Variants in CTNND2 observed in about 807,000 individuals in gnomAD.
CTNND2 encodes catenin delta 2, also known as catenin delta-2.
CTNND2 carries 22 observed loss-of-function variants against 144.4 expected under a neutral mutation model. The observed-to-expected ratio is 0.15, with a 90% CI of 0.11 to 0.22. CTNND2 has a LOEUF of 0.22. Among genes scored for constraint, CTNND2 ranks in the 10% least tolerant of loss-of-function variants. CTNND2 has a pLI of 1.00. For missense variants in CTNND2, 1,353 were observed against 1,618.8 expected, an observed-to-expected ratio of 0.84 and a Z score of 2.82; for synonymous variants, 751 against 695.6, an observed-to-expected ratio of 1.08 and a Z score of -1.25.
chr5:11,611,917 ACT>A (rs756759906), intron 2 of CTNND2, among the ~76,000 whole-genome samples: 15 of 152,242 alleles, frequency 9.9e-5, no homozygotes, highest in African/African-American at 2.6e-4. Flanking sequence ...CTCCCTCCAG[ACT>A]CTGAGCTCTT....
chr5:11,562,192 T>C (rs1275563359), intron 3 of CTNND2, among the ~76,000 whole-genome samples: 3 of 152,234 alleles, frequency 2.0e-5, no homozygotes, highest in Non-Finnish European at 4.4e-5. Flanking sequence ...TTGATTTTGT[T>C]TCTTTTCTCC....
chr5:11,294,644 C>G (rs532382620), intron 9 of CTNND2, among the ~76,000 whole-genome samples: 217 of 152,196 alleles, frequency 1.4e-3, no homozygotes, highest in African/African-American at 3.2e-3. Flanking sequence ...ATGATCAAGT[C>G]GGCTTCATCC....
chr5:11,358,983 T>C (rs981120307), intron 8 of CTNND2, among the ~76,000 whole-genome samples: 5 of 152,200 alleles, frequency 3.3e-5, no homozygotes, highest in East Asian at 1.9e-4. Flanking sequence ...ACAGCAGACG[T>C]TGGCCATTTC....
At chr5:11,330,905 G>T (rs1413939286) in intron 9 of CTNND2, among the ~76,000 whole-genome samples, 1 of 152,004 alleles carries the variant, frequency 6.6e-6, no homozygotes, top group Non-Finnish European at 1.5e-5. Flanking sequence ...CAGTGTTTGA[G>T]TTCCTAGAGG....
chr5:11,466,260 C>G (rs1766665600), intron 3 of CTNND2, among the ~76,000 whole-genome samples: 1 of 152,038 alleles, frequency 6.6e-6, no homozygotes, highest in African/African-American at 2.4e-5. Context: ...CCTTGGCCTC[C>G]CAAAGGACAT....
At chr5:11,495,010 C>A (rs16901673) in intron 3 of CTNND2, among the ~76,000 whole-genome samples, 2,518 of 152,242 alleles carry the variant, frequency 0.017, 72 homozygotes, top group African/African-American at 0.058. Context: ...TTTCTCCTCA[C>A]TGCTTGACTT....
intron 11 of CTNND2, among the ~76,000 whole-genome samples, chr5:11,175,426 T>C (rs1387462797): frequency 6.6e-6 from 1 of 152,204 alleles, no homozygotes; most frequent in Non-Finnish European, 1.5e-5. Flanking sequence ...TCTTATCATA[T>C]ACTCACATGT....
intron 1 of CTNND2, among the ~76,000 whole-genome samples, chr5:11,804,915 C>G (rs527395647): frequency 6.6e-6 from 1 of 152,174 alleles, no homozygotes; most frequent in Non-Finnish European, 1.5e-5. Flanking sequence ...CTGTACAAAA[C>G]AACCTCACTG....
At chr5:11,157,783 T>C (rs765959332) in intron 12 of CTNND2, among the ~76,000 whole-genome samples, 19 of 152,220 alleles carry the variant, frequency 1.2e-4, no homozygotes, top group Non-Finnish European at 2.6e-4. Flanking sequence ...AATGGCATCA[T>C]TTTTTGCTTC....
intron 1 of CTNND2, among the ~76,000 whole-genome samples, chr5:11,841,939 A>C (rs779704486): frequency 5.3e-5 from 8 of 151,882 alleles, no homozygotes; most frequent in Non-Finnish European, 8.8e-5. Context: ...CCTAGAGGTG[A>C]AGGTCTGCTC....
chr5:11,742,217 T>C (rs549384576), intron 1 of CTNND2, among the ~76,000 whole-genome samples: 2 of 152,182 alleles, frequency 1.3e-5, no homozygotes, highest in Non-Finnish European at 2.9e-5. Context: ...AATATATTGA[T>C]GACTTCTAAA....
chr5:11,060,578 C>T (rs1001461018), intron 16 of CTNND2, among the ~76,000 whole-genome samples: 1 of 152,198 alleles, frequency 6.6e-6, no homozygotes, highest in Non-Finnish European at 1.5e-5. Flanking sequence ...TGGCCTTTTC[C>T]TCATGTCCCA....
chr5:11,723,999 G>T (rs1357338865), intron 2 of CTNND2, among the ~76,000 whole-genome samples: 1 of 151,548 alleles, frequency 6.6e-6, no homozygotes, highest in Non-Finnish European at 1.5e-5. Context: ...ACCTTGCAGC[G>T]AGCTGAGATC....
chr5:11,728,319 A>T (rs1787135285), intron 2 of CTNND2, among the ~76,000 whole-genome samples: 1 of 151,848 alleles, frequency 6.6e-6, no homozygotes, highest in African/African-American at 2.4e-5. Context: ...AAAAAAAAAA[A>T]ATAGCCAGGC....
intron 17 of CTNND2, among the ~76,000 whole-genome samples, chr5:11,022,101 T>C (rs1742318838): frequency 6.6e-6 from 1 of 152,212 alleles, no homozygotes; most frequent in African/African-American, 2.4e-5. Flanking sequence ...GTCTCATCTC[T>C]TTTTGTTCTA....
intron 9 of CTNND2, among the ~76,000 whole-genome samples, chr5:11,329,038 C>T (rs1309601518): frequency 6.6e-6 from 1 of 152,238 alleles, no homozygotes; most frequent in Non-Finnish European, 1.5e-5. Context: ...CAAATTCCCA[C>T]TGTCCTCATG....
At chr5:11,717,767 A>G (rs1409594175) in intron 2 of CTNND2, among the ~76,000 whole-genome samples, 5 of 152,082 alleles carry the variant, frequency 3.3e-5, no homozygotes, top group Non-Finnish European at 7.4e-5. Flanking sequence ...TAAAGCCATC[A>G]GATCTCATGA....
intron 1 of CTNND2, among the ~76,000 whole-genome samples, chr5:11,734,055 G>A (rs188394948): frequency 6.6e-6 from 1 of 152,280 alleles, no homozygotes; most frequent in Non-Finnish European, 1.5e-5. Context: ...CCCACGATGT[G>A]AGGGCACAGC....
intron 1 of CTNND2, among the ~76,000 whole-genome samples, chr5:11,887,045 G>A (rs1003990617): frequency 2.1e-5 from 3 of 143,678 alleles, no homozygotes; most frequent in East Asian, 2.1e-4. Flanking sequence ...GTGCGGTGGC[G>A]CGATCTCGGC....
Sources: allele counts gnomAD v4.1 joint callset (sites outside exome capture counted in the v4.1 genomes callset), GRCh38; gene constraint gnomAD v4.1.1; transcripts MANE v1.5; gene names NCBI Gene and HGNC (gene_info 2026-07-23, HGNC 2026-07-21).